DYM: variants seen among roughly 807,000 people sequenced by gnomAD.
The protein encoded by DYM is dyggve-Melchior-Clausen syndrome protein.
DYM carries 78 observed loss-of-function variants against 93.1 expected under a neutral mutation model. The ratio of observed to expected loss-of-function variants is 0.84; its 90% CI spans 0.70 to 1.01. DYM has a LOEUF of 1.01. Ranked by LOEUF, DYM falls within the 50% of genes least tolerant of loss-of-function variation. DYM has a pLI of 0.00. For missense variants in DYM, 789 were observed against 845.0 expected, an observed-to-expected ratio of 0.93 and a Z score of 0.82; for synonymous variants, 321 against 319.7, an observed-to-expected ratio of 1.00 and a Z score of -0.04.
chr18:49,136,003 T>C (rs1170015911), intron 15 of DYM, among the ~76,000 whole-genome samples: 2 of 152,212 alleles, frequency 1.3e-5, no homozygotes, highest in African/African-American at 4.8e-5. Context: ...CTACATTTTG[T>C]CCAAACAACT....
At chr18:49,366,521 A>G (rs1343655501) in intron 5 of DYM, among the ~76,000 whole-genome samples, 1 of 152,186 alleles carries the variant, frequency 6.6e-6, no homozygotes, top group Non-Finnish European at 1.5e-5. Context: ...TGCTTGGTGC[A>G]GTGGCACCTG....
intron 8 of DYM, among the ~76,000 whole-genome samples, chr18:49,287,812 G>A (rs910872456): frequency 1.4e-4 from 15 of 105,060 alleles, no homozygotes; most frequent in Admixed American, 7.5e-4. Context: ...GCCACAACAA[G>A]AGCGAAACTC....
chr18:49,307,021 G>A (rs963239935), intron 8 of DYM, among the ~76,000 whole-genome samples: 6 of 151,572 alleles, frequency 4.0e-5, no homozygotes, highest in Admixed American at 6.6e-5. Context: ...TCACTGGTAC[G>A]CAGAAAGGGA....
intron 14 of DYM, among the ~76,000 whole-genome samples, chr18:49,182,524 G>T (rs1020843315): frequency 6.6e-6 from 1 of 152,128 alleles, no homozygotes; most frequent in African/African-American, 2.4e-5. Context: ...TCATTGTTAT[G>T]AAATAATTTT....
intron 8 of DYM, among the ~76,000 whole-genome samples, chr18:49,324,196 C>T (rs553502955): frequency 5.9e-4 from 83 of 141,296 alleles, no homozygotes; most frequent in African/African-American, 2.1e-3. Context: ...GTGATGTGCT[C>T]GTAGATTAAA....
intron 13 of DYM, among the ~76,000 whole-genome samples, chr18:49,236,961 A>G (rs1374352085): frequency 6.6e-6 from 1 of 152,194 alleles, no homozygotes; most frequent in Non-Finnish European, 1.5e-5. Context: ...GACACACATC[A>G]GATCTGGGAG....
rs1351894805 is a variant in DYM at position 49,209,653 on chromosome 18, G to C, written c.1523C>G (p.Ser508Cys). 9.3e-6 allele frequency: 12 copies of C among 1,289,484 alleles called. No individual in the cohort carries two copies. The highest frequency in any genetic ancestry group is 1.2e-5 in the South Asian group (1 of 81,000). The allele number at this position is 1,289,484 out of a possible 1,614,324, so 79.9% of individuals were successfully genotyped here. A position where few individuals can be genotyped will look rare whatever the true frequency, so the allele number is the denominator to read the frequency against. The change falls in exon 14 of 18, where the codon TCT becomes TGT. Residue 508 changes from serine to cysteine, a missense_variant. Ser to Cys is a moderately radical substitution (Grantham distance 112). Around this residue, in one of 3 missense-constraint regions of DYM, gnomAD observed 225 missense variants for 303.0 expected, o/e 0.74. Transcript: ENST00000675505. ...GCAATGCTGAAGCGTAGAACAGTGA[G>C]AGTGGGGGAAATACAGTTTGTCCAA... Reference protein sequence around the residue: ...YVLDKLYFPHSHCSTLQHCFS... With the variant: ...YVLDKLYFPHCHCSTLQHCFS...
Position 49,317,666 on chromosome 18 carries a change from T to TC in DYM, c.763+14197_763+14198insG, listed in dbSNP as rs1238521662. Among the ~76,000 whole-genome samples, 573 of 110,660 alleles carry TC rather than the reference T, an allele frequency of 5.2e-3. 13 individuals are homozygous for TC. Among genetic ancestry groups the TC allele is most frequent in the African/African-American group, 0.019 (549 of 28,338 alleles). The allele number at this position is 110,660 out of a possible 152,430, so 72.6% of individuals were successfully genotyped here. ...CTCCTCTCCTTCCTTCCTTCCTTCC[T>TC]TCCTTCCTTCCTTCCTTCCTTCCTT... is the stretch of plus-strand genomic sequence containing the variant. On this transcript the variant is annotated intron_variant, in intron 8 of 17. Coordinates refer to ENST00000675505, the MANE Select transcript of DYM (RefSeq NM_001353214.3).
chr18:49,206,652 G>A (rs1436416699), intron 14 of DYM: 2 of 152,704 alleles, frequency 1.3e-5, no homozygotes, highest in Non-Finnish European at 2.9e-5. Context: ...CAAGTGGTAA[G>A]GCAAGGAGTG....
intron 17 of DYM, among the ~76,000 whole-genome samples, chr18:49,072,465 C>G (rs1267867539): frequency 6.6e-6 from 1 of 152,254 alleles, no homozygotes; most frequent in Non-Finnish European, 1.5e-5. Flanking sequence ...CCACCTCCCA[C>G]TCCAACCTTT....
intron 3 of DYM, among the ~76,000 whole-genome samples, chr18:49,386,223 T>G (rs961037100): frequency 1.3e-5 from 2 of 151,598 alleles, no homozygotes; most frequent in African/African-American, 4.9e-5. Flanking sequence ...CTGAAAAAAA[T>G]AGAGACCAGA....
At chr18:49,107,288 A>T (rs1001901767) in intron 16 of DYM, among the ~76,000 whole-genome samples, 1 of 151,928 alleles carries the variant, frequency 6.6e-6, no homozygotes, top group African/African-American at 2.4e-5. Flanking sequence ...TGCATTGGTT[A>T]TTCTAGTTAG....
At chr18:49,397,447 C>G (rs544826821) in intron 2 of DYM, among the ~76,000 whole-genome samples, 1 of 152,240 alleles carries the variant, frequency 6.6e-6, no homozygotes, top group African/African-American at 2.4e-5. Context: ...TTCCAGGAAT[C>G]AGAAGTCTGA....
rs551143075 is a variant in DYM, at chr18:49,349,081, G to A, written c.494+14080C>T. On this transcript the variant is annotated intron_variant, in intron 6 of 17. Coordinates refer to ENST00000675505, the MANE Select transcript of DYM (RefSeq NM_001353214.3). ...AAACTAGCCGAGCATGGTGGTGGGC[G>A]CCTGTAATCCCAGCTACTGGTGAGG... 2.8e-3 allele frequency among the ~76,000 whole-genome samples: 428 copies of A among 151,398 alleles called. 3 individuals are homozygous for A. Among genetic ancestry groups the A allele is most frequent in the African/African-American group, 9.8e-3 (403 of 41,258 alleles).
At chr18:49,352,600 T>C (rs751058622) in intron 6 of DYM, among the ~76,000 whole-genome samples, 1 of 152,210 alleles carries the variant, frequency 6.6e-6, no homozygotes, top group Non-Finnish European at 1.5e-5. Flanking sequence ...TACATTATAA[T>C]TTCAGTGTGT....
intron 15 of DYM, among the ~76,000 whole-genome samples, chr18:49,149,944 T>A (rs2085632406): frequency 6.6e-6 from 1 of 152,122 alleles, no homozygotes; most frequent in Non-Finnish European, 1.5e-5. Flanking sequence ...CTTGACTTCG[T>A]GATCTGCCTG....
intron 15 of DYM, among the ~76,000 whole-genome samples, chr18:49,134,178 T>G (rs181823137): frequency 3.4e-4 from 52 of 152,306 alleles, no homozygotes; most frequent in African/African-American, 1.1e-3. Flanking sequence ...ATTTTTCAAC[T>G]TTTTTGTATA....
At chr18:49,202,583 G>C (rs1290290936) in intron 14 of DYM, among the ~76,000 whole-genome samples, 1 of 129,480 alleles carries the variant, frequency 7.7e-6, no homozygotes, top group African/African-American at 3.0e-5. Flanking sequence ...CATCTAGGAA[G>C]TGAGGAGCGT....
intron 8 of DYM, among the ~76,000 whole-genome samples, chr18:49,300,601 CAA>C (rs1234757700): frequency 7.3e-6 from 1 of 137,870 alleles, no homozygotes. Context: ...ACTCAGTCTC[CAA>C]AAAAAAAAAG....
Sources: allele counts gnomAD v4.1 joint callset (sites outside exome capture counted in the v4.1 genomes callset), GRCh38; gene constraint gnomAD v4.1.1; regional missense constraint gnomAD v4.1.1; transcripts MANE v1.5; gene names NCBI Gene and HGNC (gene_info 2026-07-23, HGNC 2026-07-21).